Variants in DCLK1 observed in about 807,000 individuals in gnomAD.
DCLK1 encodes serine/threonine-protein kinase DCLK1.
In DCLK1, 16 loss-of-function variants were observed where a neutral mutation model predicts 86.2. That is an observed-to-expected ratio of 0.19 (90% CI 0.13 to 0.28). The LOEUF (loss-of-function observed/expected upper bound fraction) is 0.28. Among genes scored for constraint, DCLK1 ranks in the 10% least tolerant of loss-of-function variants. The pLI, the probability that DCLK1 is intolerant of heterozygous loss-of-function variation, is 1.00. For missense variants in DCLK1, 590 were observed against 940.2 expected, an observed-to-expected ratio of 0.63 and a Z score of 4.87; for synonymous variants, 369 against 370.5, an observed-to-expected ratio of 1.00 and a Z score of 0.05.
At chr13:36,096,478 A>C (rs1410135813) in intron 3 of DCLK1, among the ~76,000 whole-genome samples, 1 of 152,236 alleles carries the variant, frequency 6.6e-6, no homozygotes, top group East Asian at 1.9e-4. Context: ...GTACGGCAGA[A>C]TATTAAAATG....
rs12864229 is a variant in DCLK1, at chr13:35,944,868, G to A, written c.823+2490C>T. On this transcript the variant is annotated intron_variant, in intron 4 of 16. Transcript: ENST00000360631. ...TGTGAGCCCTTGTGTGCATATCTCC[G>A]TATATAATCTGTGTGCATTCTTTTT... Among the ~76,000 whole-genome samples the A allele has an allele frequency of 2.7e-4, 41 of 152,024 alleles. 1 individual carries two copies. Among genetic ancestry groups the A allele is most frequent in the African/African-American group, 9.2e-4 (38 of 41,504 alleles).
intron 11 of DCLK1, among the ~76,000 whole-genome samples, chr13:35,812,326 C>T (rs1566545483): frequency 1.2e-5 from 1 of 86,912 alleles, no homozygotes; most frequent in African/African-American, 1.1e-4. Context: ...GCAATCTTCA[C>T]GAATGCCTCA....
At chr13:35,869,661 T>G (rs1853924307) in intron 5 of DCLK1, among the ~76,000 whole-genome samples, 1 of 152,252 alleles carries the variant, frequency 6.6e-6, no homozygotes, top group Non-Finnish European at 1.5e-5. Flanking sequence ...CTTCTCAAAG[T>G]GTGCATTGGA....
At chr13:36,031,336 A>AG (rs1882263191) in intron 3 of DCLK1, among the ~76,000 whole-genome samples, 2 of 152,138 alleles carry the variant, frequency 1.3e-5, no homozygotes, top group African/African-American at 2.4e-5. Context: ...CACACACAAA[A>AG]AAAGACGAGC....
At chr13:35,804,921 CTG>C (rs2086995216) in intron 15 of DCLK1, among the ~76,000 whole-genome samples, 2 of 152,198 alleles carry the variant, frequency 1.3e-5, no homozygotes, top group Non-Finnish European at 2.9e-5. Context: ...CTCCAATCTA[CTG>C]TGTTAGAATC....
intron 3 of DCLK1, among the ~76,000 whole-genome samples, chr13:36,074,293 G>A (rs547590307): frequency 4.9e-4 from 75 of 151,942 alleles, no homozygotes; most frequent in African/African-American, 1.8e-3. Flanking sequence ...GCGAGGTCAG[G>A]AGATCGAGAC....
At chr13:36,120,317 A>T (rs1412907783) in intron 2 of DCLK1, among the ~76,000 whole-genome samples, 1 of 152,222 alleles carries the variant, frequency 6.6e-6, no homozygotes, top group East Asian at 1.9e-4. Context: ...GTCATGTGCC[A>T]CAATATTTGG....
chr13:36,098,963 T>C lies in DCLK1; in HGVS notation c.723+12906A>G, dbSNP rs150049315. 3.5e-3 allele frequency among the ~76,000 whole-genome samples: 523 copies of C among 148,084 alleles called. 2 individuals carry two copies. The highest frequency in any genetic ancestry group is 0.013 in the African/African-American group (502 of 40,096). On this transcript the variant is annotated intron_variant, in intron 3 of 16. Transcript: ENST00000360631. The stretch of plus-strand genomic sequence containing the variant: ...GGTACACAAAAGTAGGCTTTTAATA[T>C]TATTTGGATTTTTTTTTTTTTTTGA...
chr13:35,914,064 T>C (rs975381071), intron 4 of DCLK1, among the ~76,000 whole-genome samples: 1 of 152,060 alleles, frequency 6.6e-6, no homozygotes, highest in African/African-American at 2.4e-5. Flanking sequence ...ATGCCTGTAG[T>C]CCCAGCACTT....
intron 4 of DCLK1, among the ~76,000 whole-genome samples, chr13:35,943,748 T>G (rs1404895197): frequency 6.6e-6 from 1 of 152,160 alleles, no homozygotes; most frequent in African/African-American, 2.4e-5. Context: ...CTCCCAAGCA[T>G]GGGGTGATCC....
At position 35,771,041 on chromosome 13, in the gene DCLK1, C is replaced by T. The variant is rs1453580066; in HGVS notation, c.*3494G>A. 2.0e-5 allele frequency: 3 copies of T among 152,200 alleles called. No homozygotes were observed. Among genetic ancestry groups the T allele is most frequent in the Admixed American group, 6.5e-5 (1 of 15,286 alleles). 9.4% of individuals were successfully genotyped at this position (152,200 alleles called of 1,614,324 possible). A position where few individuals can be genotyped will look rare whatever the true frequency, so the allele number is the denominator to read the frequency against. On this transcript the variant is annotated 3_prime_UTR_variant, in exon 17 of 17. Transcript: ENST00000360631. ...CACAGTAATATTAAGAAAGCTCTCC[C>T]TCAGCACGATTGAGCTTCAGCGCAA...
chr13:36,049,600 T>C (rs1322480870), intron 3 of DCLK1, among the ~76,000 whole-genome samples: 9 of 152,194 alleles, frequency 5.9e-5, no homozygotes. Context: ...TCTATCTTAA[T>C]TATCTGTTAC....
intron 5 of DCLK1, among the ~76,000 whole-genome samples, chr13:35,863,638 AC>A (rs1236895058): frequency 2.0e-5 from 3 of 152,216 alleles, no homozygotes; most frequent in Non-Finnish European, 2.9e-5. Context: ...TTTGTTCTCA[AC>A]AATTTCCTTG....
At chr13:36,086,733 C>T (rs1472682736) in intron 3 of DCLK1, among the ~76,000 whole-genome samples, 41 of 152,070 alleles carry the variant, frequency 2.7e-4, no homozygotes, top group African/African-American at 9.9e-4. Flanking sequence ...TGGTTTTCTG[C>T]TCTTGTGTTA....
intron 3 of DCLK1, among the ~76,000 whole-genome samples, chr13:35,992,573 A>G (rs994738535): frequency 6.6e-5 from 10 of 152,100 alleles, no homozygotes; most frequent in Non-Finnish European, 1.2e-4. Context: ...GTCATCTTGA[A>G]GCTTAAAATC....
chr13:36,045,377 T>TATATATA (rs568110221), intron 3 of DCLK1, among the ~76,000 whole-genome samples: 20 of 125,026 alleles, frequency 1.6e-4, no homozygotes, highest in Middle Eastern at 4.1e-3. Context: ...TATATATATA[T>TATATATA]TTCAAGGTAA....
At chr13:36,030,882 A>T (rs1293877923) in intron 3 of DCLK1, among the ~76,000 whole-genome samples, 1 of 151,912 alleles carries the variant, frequency 6.6e-6, no homozygotes, top group African/African-American at 2.4e-5. Context: ...ACCAAGCCAC[A>T]CTTCCCACAA....
intron 4 of DCLK1, among the ~76,000 whole-genome samples, chr13:35,928,831 G>T (rs1876267616): frequency 6.6e-6 from 1 of 152,202 alleles, no homozygotes; most frequent in African/African-American, 2.4e-5. Flanking sequence ...ATAAGCCCTT[G>T]TGGGTAGTAT....
In DCLK1 at chr13:35,771,708, G is replaced by T. The variant is rs746517716; in HGVS notation, c.*2827C>A. The T allele has an allele frequency of 1.3e-5, 2 of 152,042 alleles. No homozygotes were observed. The highest frequency in any genetic ancestry group is 2.9e-5 in the Non-Finnish European group (2 of 68,004). The allele number at this position is 152,042 out of a possible 1,614,324, so 9.4% of individuals were successfully genotyped here. ...AAAAGAAAGACGGTCCCCATCACCA[G>T]GCCACCACCATAAGAGAGCTATATT... On this transcript the variant is annotated 3_prime_UTR_variant, in exon 17 of 17. Transcript: ENST00000360631.
Sources: gnomAD v4.1 joint callset for allele counts (sites outside exome capture counted in the v4.1 genomes callset) on GRCh38, gnomAD v4.1.1 for gene constraint, MANE v1.5 for transcripts, NCBI Gene and HGNC (gene_info 2026-07-23, HGNC 2026-07-21) for gene names.